The following SHANK2 variants were observed in gnomAD, a reference collection of about 807,000 sequenced individuals.
SHANK2 encodes SH3 and multiple ankyrin repeat domains protein 2.
A neutral mutation model predicts 133.7 loss-of-function variants in SHANK2; 43 were observed. The observed-to-expected ratio is 0.32, with a 90% CI of 0.25 to 0.41. The LOEUF (loss-of-function observed/expected upper bound fraction) is 0.41, where lower values mean the gene tolerates loss of function less well. Among genes scored for constraint, SHANK2 ranks in the 10% least tolerant of loss-of-function variants. SHANK2 has a pLI of 1.00. For missense variants in SHANK2, 1,994 were observed against 2,235.8 expected (o/e 0.89, Z 2.18); for synonymous variants, 1,017 against 952.8 (o/e 1.07, Z -1.24).
rs542067966 is a variant in SHANK2 at position 70,539,223 on chromosome 11, G to A, written c.2062-36292C>T. Reference sequence around the variant, plus strand: ...GCCGACCCCAGGATGCAACAGCACCGAATGCCAGTGCCACAGAGAGCAGGC... The same window carrying A: ...GCCGACCCCAGGATGCAACAGCACCAAATGCCAGTGCCACAGAGAGCAGGC... On this transcript the variant is annotated intron_variant, in intron 17 of 25. Coordinates refer to ENST00000601538, the MANE Select transcript of SHANK2 (RefSeq NM_012309.5). 5.9e-5 allele frequency among the ~76,000 whole-genome samples: 9 copies of A among 152,322 alleles called. No homozygotes were observed. The East Asian group carries it at 1.4e-3, about 23-fold the overall frequency.
intron 17 of SHANK2, 81 bp from the exon 18 acceptor site, chr11:70,503,012 G>A: frequency 6.6e-7 from 1 of 1,514,464 alleles, no homozygotes; most frequent in Non-Finnish European, 9.2e-7. Context: ...GCAGAGACAT[G>A]TGGGCTCCTA....
At chr11:70,717,597 C>T (rs533202509) in intron 14 of SHANK2, among the ~76,000 whole-genome samples, 5 of 152,318 alleles carry the variant, frequency 3.3e-5, no homozygotes, top group South Asian at 4.1e-4. Context: ...CCAAGTCCCA[C>T]GGTCCTCCCG....
chr11:70,627,853 G>A (rs2060925223), intron 17 of SHANK2, among the ~76,000 whole-genome samples: 1 of 152,210 alleles, frequency 6.6e-6, no homozygotes, highest in African/African-American at 2.4e-5. Context: ...CAAAAAGTTT[G>A]GGGTTTTAGA....
chr11:70,883,741 A>C (rs609752), intron 11 of SHANK2, among the ~76,000 whole-genome samples: 139,211 of 152,272 alleles, frequency 0.91, 64,354 homozygotes, highest in Non-Finnish European at 0.98. Context: ...GGGCAAGACC[A>C]CGTGGAAACA....
intron 14 of SHANK2, among the ~76,000 whole-genome samples, chr11:70,761,409 C>T (rs1946995566): frequency 6.6e-6 from 1 of 152,166 alleles, no homozygotes. Flanking sequence ...GGTGTGTGAG[C>T]CCCAGTCTCG....
At chr11:70,643,917 A>AG (rs201980701) in intron 17 of SHANK2, among the ~76,000 whole-genome samples, 24 of 71,466 alleles carry the variant, frequency 3.4e-4, no homozygotes, top group Non-Finnish European at 5.6e-4. Flanking sequence ...CTGCAGGTGG[A>AG]GGGGGGGGAG....
intron 3 of SHANK2, among the ~76,000 whole-genome samples, chr11:71,129,772 G>T (rs1384857816): frequency 2.6e-5 from 4 of 152,254 alleles, no homozygotes; most frequent in Non-Finnish European, 5.9e-5. Context: ...CAGAATGCGG[G>T]CACTGGAGAC....
At chr11:70,857,959 C>G (rs529775565) in intron 11 of SHANK2, among the ~76,000 whole-genome samples, 1 of 152,200 alleles carries the variant, frequency 6.6e-6, no homozygotes, top group Non-Finnish European at 1.5e-5. Context: ...ACCCACCCCA[C>G]CTTGGAATCC....
intron 10 of SHANK2, among the ~76,000 whole-genome samples, chr11:70,929,893 G>A (rs564542090): frequency 1.3e-5 from 2 of 152,296 alleles, no homozygotes; most frequent in Admixed American, 6.5e-5. Context: ...GCCACAGACC[G>A]TCACTGAAAT....
intron 14 of SHANK2, among the ~76,000 whole-genome samples, chr11:70,765,564 G>C (rs1220789375): frequency 6.6e-6 from 1 of 152,182 alleles, no homozygotes; most frequent in African/African-American, 2.4e-5. Context: ...TTAAATTTCT[G>C]TTTGGTTTCA....
rs1421564797 is a variant in SHANK2, at chr11:70,739,944, A to T, written c.1778-41181T>A. Among the ~76,000 whole-genome samples, 1 of 152,222 alleles carries T rather than the reference A, an allele frequency of 6.6e-6. No homozygotes were observed. Among genetic ancestry groups the T allele is most frequent in the South Asian group, 2.1e-4 (1 of 4,832 alleles). On this transcript the variant is annotated intron_variant, in intron 14 of 25. Transcript: ENST00000601538. This position sits in a 1 kb window ranked among gnomAD's most constrained non-coding sequence, Gnocchi z 4.3. ...GCATTCGGTGGCACGCAGGTAGGGC[A>T]CAGAAGTCCAGCTTGGCTCCTTCGC...
At chr11:71,173,419 A>T (rs1234436095) in intron 2 of SHANK2, among the ~76,000 whole-genome samples, 1 of 152,226 alleles carries the variant, frequency 6.6e-6, no homozygotes, top group Admixed American at 6.5e-5. Context: ...GCACCACTGC[A>T]TGTGGTCCAG....
intron 17 of SHANK2, among the ~76,000 whole-genome samples, chr11:70,615,831 G>A (rs1190737082): frequency 5.3e-5 from 8 of 152,180 alleles, no homozygotes; most frequent in Non-Finnish European, 8.8e-5. Flanking sequence ...CACCTTGGCC[G>A]GTATTGGCTT....
At chr11:70,518,125 C>G (rs1430520956) in intron 17 of SHANK2, among the ~76,000 whole-genome samples, 1 of 152,216 alleles carries the variant, frequency 6.6e-6, no homozygotes. Context: ...CCAGTGCTGT[C>G]CCTTTAGCCA....
intron 17 of SHANK2, among the ~76,000 whole-genome samples, chr11:70,549,115 A>G (rs901980564): frequency 6.6e-6 from 1 of 152,178 alleles, no homozygotes; most frequent in Admixed American, 6.5e-5. Flanking sequence ...GCCCCAGGAA[A>G]TGGATTCCCA....
chr11:70,910,070 C>T (rs570476663), intron 10 of SHANK2, among the ~76,000 whole-genome samples: 3 of 152,286 alleles, frequency 2.0e-5, no homozygotes, highest in Admixed American at 2.0e-4. Context: ...TGTCTGTGTC[C>T]TCATCTCCTC....
At chr11:70,715,195 C>T (rs146249762) in intron 14 of SHANK2, among the ~76,000 whole-genome samples, 14 of 152,260 alleles carry the variant, frequency 9.2e-5, no homozygotes, top group East Asian at 3.9e-4. Flanking sequence ...GAGAATTATC[C>T]GGGAATGTGG....
intron 14 of SHANK2, among the ~76,000 whole-genome samples, chr11:70,782,710 A>G (rs1366739086): frequency 2.6e-5 from 4 of 152,248 alleles, no homozygotes; most frequent in African/African-American, 9.6e-5. Context: ...AACAGGCAGA[A>G]GACCCAAACT....
intron 17 of SHANK2, among the ~76,000 whole-genome samples, chr11:70,572,242 G>T (rs782337829): frequency 1.3e-5 from 2 of 152,172 alleles, no homozygotes; most frequent in Non-Finnish European, 2.9e-5. Flanking sequence ...TCACTGCAAC[G>T]TCCACCTCCC....
Sources: allele counts gnomAD v4.1 joint callset (sites outside exome capture counted in the v4.1 genomes callset), GRCh38; gene constraint gnomAD v4.1.1; non-coding constraint Gnocchi (gnomAD v3.1); transcripts MANE v1.5; gene names NCBI Gene and HGNC (gene_info 2026-07-23, HGNC 2026-07-21).